Variants in TAOK2 observed in about 807,000 individuals in gnomAD.
TAOK2 encodes the protein serine/threonine-protein kinase TAO2.
A neutral mutation model predicts 122.5 loss-of-function variants in TAOK2; 42 were observed. The observed-to-expected ratio is 0.34, with a 90% CI of 0.27 to 0.44. The LOEUF (loss-of-function observed/expected upper bound fraction) is 0.44. Among genes scored for constraint, TAOK2 ranks in the 20% least tolerant of loss-of-function variants. The pLI, the probability that TAOK2 is intolerant of heterozygous loss-of-function variation, is 1.00. For missense variants in TAOK2, 1,264 were observed against 1,644.9 expected (o/e 0.77, Z 4.01); for synonymous variants, 704 against 677.6 (o/e 1.04, Z -0.61).
intron 1 of TAOK2, among the ~76,000 whole-genome samples, chr16:29,975,213 C>G (rs918996060): frequency 1.3e-5 from 2 of 152,204 alleles, no homozygotes; most frequent in African/African-American, 4.8e-5. Context: ...TGTCAATAAT[C>G]TCATCCATTT....
chr16:29,990,425 T>G, downstream of TAOK2: 1 of 184,654 alleles, frequency 5.4e-6, no homozygotes. Context: ...CCACTTAATA[T>G]TTCTTGGACA....
chr16:29,988,917 G>A (rs2069898418), downstream of TAOK2: 1 of 985,274 alleles, frequency 1.0e-6, no homozygotes, highest in African/African-American at 1.7e-5. Flanking sequence ...ATCTGGTCAG[G>A]GTGGTAGCTG....
downstream of TAOK2, chr16:29,991,973 G>A (rs941030311): frequency 1.8e-5 from 3 of 162,812 alleles, no homozygotes; most frequent in Non-Finnish European, 4.0e-5. This position sits in a 1 kb window ranked among gnomAD's most constrained non-coding sequence, Gnocchi z 5.6. Context: ...GGGGCCTGAG[G>A]CAGGGAGAAT....
rs201542476 is a variant in TAOK2, at chr16:29,978,154, C to T, written c.198C>T (p.Ser66=). ...IKKMSYSGKQ[S]NEKWQDIIKE... ...AGATGTCCTACAGTGGGAAGCAGTC[C>T]AATGAGGTGGGCCAGGTGCAATACA... Residue 66 remains serine, a synonymous_variant, in exon 3 of 16, where the codon TCC becomes TCT. Transcript: ENST00000308893. 2 of 1,614,090 alleles carry T rather than the reference C, an allele frequency of 1.2e-6. No homozygotes were observed. The highest frequency in any genetic ancestry group is 2.7e-5 in the African/African-American group (2 of 75,006).
chr16:29,990,743 G>A (rs760372136), downstream of TAOK2: 5 of 1,560,200 alleles, frequency 3.2e-6, no homozygotes, highest in East Asian at 4.5e-5. Context: ...TAGTGGGGGT[G>A]GGGGAGGAGA....
chr16:29,981,577 T>C lies in TAOK2; in HGVS notation c.656-84T>C, dbSNP rs769286560. 4.6e-6 allele frequency: 6 copies of C among 1,305,204 alleles called. No individual in the cohort carries two copies. In the Admixed American group the frequency reaches 6.9e-5, roughly 15 times the overall value. The allele number at this position is 1,305,204 out of a possible 1,614,324, so 80.9% of individuals were successfully genotyped here. On this transcript the variant is annotated intron_variant, in intron 8 of 15. Transcript: ENST00000308893. ...GCAAGGAAGTCAAGGAATTGGGGTT[T>C]GAACCCAAGTCGTCTCAGTTCCATT...
downstream of TAOK2, chr16:29,991,452 G>C: frequency 6.6e-7 from 1 of 1,506,476 alleles, no homozygotes; most frequent in African/African-American, 1.4e-5. This position sits in a 1 kb window ranked among gnomAD's most constrained non-coding sequence, Gnocchi z 5.6. Context: ...GGCAGCCTCG[G>C]GGGGCAGTGG....
rs1172229796 is a variant in TAOK2, at chr16:29,983,309, A to G, written c.1237A>G (p.Ser413Gly). 6.2e-7 allele frequency: 1 copy of G among 1,601,110 alleles called. No individual in the cohort carries two copies. Among genetic ancestry groups the G allele is most frequent in the South Asian group, 1.1e-5 (1 of 90,882 alleles). ...GGGGGAGCACACAGTCACCTCTCAC[A>G]GCTCCATTATCCACCGGCTGCCGGT... ...QEGEHTVTSH[S>G]SIIHRLPGSD... Residue 413 changes from serine to glycine, a missense_variant, in exon 12 of 16, where the codon AGC becomes GGC. By Grantham distance (56) the Ser-to-Gly change is moderately conservative. Around this residue, in one of 4 missense-constraint regions of TAOK2, gnomAD observed 122 missense variants for 116.7 expected, o/e 1.04. Coordinates refer to ENST00000308893, the MANE Select transcript of TAOK2 (RefSeq NM_016151.4).
intron 1 of TAOK2, among the ~76,000 whole-genome samples, chr16:29,974,981 T>C (rs947971351): frequency 3.9e-5 from 6 of 152,186 alleles, no homozygotes; most frequent in African/African-American, 4.8e-5. Context: ...CTCCCTGATA[T>C]GTCCCGTTCT....
chr16:29,984,120 T>C (rs1285180919), intron 13 of TAOK2, among the ~76,000 whole-genome samples: 1 of 152,174 alleles, frequency 6.6e-6, no homozygotes, highest in African/African-American at 2.4e-5. Flanking sequence ...CCAGATTCTG[T>C]GCCCCAGAGG....
At chr16:29,988,850 A>ATT (rs1174068048), downstream of TAOK2, 9 of 985,168 alleles carry the variant, frequency 9.1e-6, no homozygotes, top group African/African-American at 1.7e-5. Flanking sequence ...TGGCAGCAGG[A>ATT]TTGAGTGTGG....
chr16:29,988,679 T>C, downstream of TAOK2: 3 of 985,438 alleles, frequency 3.0e-6, no homozygotes, highest in Non-Finnish European at 3.6e-6. Context: ...TTCCAGGCCC[T>C]TGGTCTCCTC....
chr16:29,991,712 C>T, downstream of TAOK2: 1 of 1,105,674 alleles, frequency 9.0e-7, no homozygotes. The surrounding 1 kb of genome is among the most constrained non-coding windows in gnomAD (Gnocchi z 5.6). Context: ...ATCTCATGAG[C>T]TTCTTGGGGC....
At position 29,985,903 on chromosome 16, in the gene TAOK2, A is replaced by G; in HGVS notation, c.1992+42A>G. 1 of 1,585,474 alleles carries G rather than the reference A, an allele frequency of 6.3e-7. No individual in the cohort carries two copies. The highest frequency in any genetic ancestry group is 1.3e-5 in the African/African-American group (1 of 74,402). On this transcript the variant is annotated intron_variant, in intron 15 of 15. Coordinates refer to ENST00000308893, the MANE Select transcript of TAOK2 (RefSeq NM_016151.4). This position sits in a 1 kb window ranked among gnomAD's most constrained non-coding sequence, Gnocchi z 6.9. ...CTGTTCCCCTCCCGCTCACTCGTGG[A>G]TCCCAGGGACCCACCCTTTTCCATT...
In TAOK2 at chr16:29,987,127, T is replaced by C; in HGVS notation, c.2855T>C (p.Leu952Pro). The change falls in exon 16 of 16, where the codon CTG becomes CCG. Residue 952 changes from leucine (L) to proline (P), a missense_variant. Leu to Pro is a moderately conservative substitution (Grantham distance 98, BLOSUM62 -3). This residue lies in a region of TAOK2 where 824 missense variants were observed against 908.7 expected (regional missense o/e 0.91). Transcript: ENST00000308893. Reference protein sequence around the residue: ...QLPGLLSHGLLAGLSFAVGSS... With the variant: ...QLPGLLSHGLPAGLSFAVGSS... ...CCTGGACTCCTGTCCCATGGCCTCC[T>C]GGCCGGCCTCTCCTTTGCAGTGGGG... 3 of 1,603,502 alleles carry C rather than the reference T, an allele frequency of 1.9e-6. No homozygotes were observed. In the South Asian group the frequency reaches 3.3e-5, roughly 18 times the overall value.
Position 29,986,476 on chromosome 16 carries a change from A to G in TAOK2, c.2204A>G (p.Gln735Arg). 6.2e-7 allele frequency: 1 copy of G among 1,604,464 alleles called. No individual in the cohort carries two copies. Among genetic ancestry groups the G allele is most frequent in the Non-Finnish European group, 8.5e-7 (1 of 1,175,170 alleles). ...GAGTTGCGGCAGAAGCATGCGGCCC[A>G]GGTTCGCCAGCAGCCCAAGAGCCTC... ...EQELRQKHAAQVRQQPKSLKV... is the reference protein window; with the variant it reads ...EQELRQKHAARVRQQPKSLKV... Residue 735 changes from glutamine (Q) to arginine (R), a missense_variant, in exon 16 of 16, where the codon CAG becomes CGG. Around this residue, in one of 4 missense-constraint regions of TAOK2, gnomAD observed 824 missense variants for 908.7 expected, o/e 0.91. Transcript: ENST00000308893. This position sits in a 1 kb window ranked among gnomAD's most constrained non-coding sequence, Gnocchi z 4.2.
Position 29,988,059 on chromosome 16 carries a change from C to T in TAOK2, c.*79C>T. 2 of 1,455,234 alleles carry T rather than the reference C, an allele frequency of 1.4e-6. No individual in the cohort carries two copies. The highest frequency in any genetic ancestry group is 1.8e-6 in the Non-Finnish European group (2 of 1,110,046). The allele number at this position is 1,455,234 out of a possible 1,614,324, so 90.1% of individuals were successfully genotyped here. A position where few individuals can be genotyped will look rare whatever the true frequency, so the allele number is the denominator to read the frequency against. On this transcript the variant is annotated 3_prime_UTR_variant, in exon 16 of 16. Transcript: ENST00000308893. The stretch of plus-strand genomic sequence containing the variant: ...CGACTCAGTGAAGTTTCTCCAGTCC[C>T]TAGTCCTCTCTTTTCACCCACCTTC...
intron 12 of TAOK2, 39 bp downstream of exon 12, chr16:29,983,371 C>G: frequency 3.8e-6 from 6 of 1,568,568 alleles, no homozygotes; most frequent in Non-Finnish European, 5.2e-6. Flanking sequence ...GCCACCTGCT[C>G]TAGAACTGCC....
chr16:29,986,198 A>C lies in TAOK2; in HGVS notation c.1993-67A>C. On this transcript the variant is annotated intron_variant, in intron 15 of 15. Coordinates refer to ENST00000308893, the MANE Select transcript of TAOK2 (RefSeq NM_016151.4). The surrounding 1 kb of genome is among the most constrained non-coding windows in gnomAD (Gnocchi z 4.2). ...CCGCCATCCCCAGCTCCCTCTGCCA[A>C]GGAGCCCTGGCCTCTCACTTCCTTG... is the stretch of plus-strand genomic sequence containing the variant. The C allele has an allele frequency of 6.7e-7, 1 of 1,500,368 alleles. No individual in the cohort carries two copies. Among genetic ancestry groups the C allele is most frequent in the Non-Finnish European group, 8.9e-7 (1 of 1,126,076 alleles). 92.9% of individuals were successfully genotyped at this position (1,500,368 alleles called of 1,614,324 possible).
Sources: gnomAD v4.1 joint callset for allele counts (sites outside exome capture counted in the v4.1 genomes callset) on GRCh38, gnomAD v4.1.1 for gene constraint, gnomAD v4.1.1 regional missense constraint, Gnocchi (gnomAD v3.1) non-coding constraint, MANE v1.5 for transcripts, NCBI Gene and HGNC (gene_info 2026-07-23, HGNC 2026-07-21) for gene names.